The following DPY19L1 variants were observed in gnomAD, a reference collection of about 807,000 sequenced individuals.
The protein encoded by DPY19L1 is dpy-19 like C-mannosyltransferase 1, also known as protein C-mannosyl-transferase DPY19L1.
A neutral mutation model predicts 96.9 loss-of-function variants in DPY19L1; 35 were observed. The ratio of observed to expected loss-of-function variants is 0.36; its 90% CI spans 0.28 to 0.48. DPY19L1 has a LOEUF of 0.48. Ranked by LOEUF, DPY19L1 falls within the 20% of genes least tolerant of loss-of-function variation. The pLI is 0.99. For missense variants in DPY19L1, 521 were observed against 777.9 expected, an observed-to-expected ratio of 0.67 and a Z score of 3.93; for synonymous variants, 205 against 252.6, an observed-to-expected ratio of 0.81 and a Z score of 1.79.
intron 7 of DPY19L1, among the ~76,000 whole-genome samples, chr7:34,974,541 A>T (rs948752958): frequency 6.6e-6 from 1 of 152,192 alleles, no homozygotes; most frequent in Non-Finnish European, 1.5e-5. Flanking sequence ...ACTGACATAC[A>T]TATCTATTTA....
chr7:34,954,807 G>T lies in DPY19L1; in HGVS notation c.1240-29C>A, dbSNP rs914260721. ...AACAAAAGAAAACAAAAATAACTTT[G>T]ATGCTTCATATTCCACAGACATAGG... On this transcript the variant is annotated intron_variant, in intron 12 of 21. Transcript: ENST00000638088. The T allele has an allele frequency of 7.2e-6, 9 of 1,252,038 alleles. No individual in the cohort carries two copies. In the South Asian group the frequency reaches 9.9e-5, roughly 14 times the overall value. The allele number at this position is 1,252,038 out of a possible 1,614,324, so 77.6% of individuals were successfully genotyped here. A position where few individuals can be genotyped will look rare whatever the true frequency, so the allele number is the denominator to read the frequency against.
chr7:34,930,672 G>A lies in DPY19L1; in HGVS notation c.*901C>T, dbSNP rs1195868777. The A allele has an allele frequency of 6.6e-6, 1 of 152,034 alleles. No individual in the cohort carries two copies. Among genetic ancestry groups the A allele is most frequent in the Non-Finnish European group, 1.5e-5 (1 of 68,018 alleles). The allele number at this position is 152,034 out of a possible 1,614,324, so 9.4% of individuals were successfully genotyped here. A position where few individuals can be genotyped will look rare whatever the true frequency, so the allele number is the denominator to read the frequency against. On this transcript the variant is annotated 3_prime_UTR_variant, in exon 22 of 22. Coordinates refer to ENST00000638088, the MANE Select transcript of DPY19L1 (RefSeq NM_001366673.1). Reference sequence around the variant, plus strand: ...AGTTTCTAGATGCACTATATTTGGGGTTGTTCAAAATAGTTTTTCTTAAAA... The same window carrying A: ...AGTTTCTAGATGCACTATATTTGGGATTGTTCAAAATAGTTTTTCTTAAAA...
Position 34,998,636 on chromosome 7 carries a change from A to G in DPY19L1, c.765-8695T>C, listed in dbSNP as rs1457013864. Among the ~76,000 whole-genome samples the G allele has an allele frequency of 2.0e-5, 3 of 152,344 alleles. No homozygotes were observed. The East Asian group carries it at 5.8e-4, about 29-fold the overall frequency. ...AGCAGCTGAGGCTGGTAAACGAAAA[A>G]GCAACAAGATGAAAGGAGCCTGGGT... is the stretch of plus-strand genomic sequence containing the variant. On this transcript the variant is annotated intron_variant, in intron 6 of 21. Coordinates refer to ENST00000638088, the MANE Select transcript of DPY19L1 (RefSeq NM_001366673.1).
chr7:34,992,311 C>A (rs185772298), intron 6 of DPY19L1, among the ~76,000 whole-genome samples: 2 of 152,182 alleles, frequency 1.3e-5, no homozygotes, highest in Admixed American at 6.5e-5. Context: ...TTTGACTGTT[C>A]CCTACTTAAA....
chr7:35,020,137 G>GA (rs1314332237), intron 1 of DPY19L1, among the ~76,000 whole-genome samples: 1 of 151,700 alleles, frequency 6.6e-6, no homozygotes, highest in Admixed American at 6.6e-5. Flanking sequence ...TGTCTCTAAA[G>GA]AAAAAAAATA....
chr7:34,949,878 T>C lies in DPY19L1; in HGVS notation c.1341A>G (p.Leu447=), dbSNP rs758131531. Residue 447 remains leucine (L), a synonymous_variant, in exon 14 of 22, where the codon CTA becomes CTG. Transcript: ENST00000638088. ...CCTTATAACTAAAGAATTTTGATGT[T>C]AGTAAGTTGCCAATATGAGCCTGGT... The part of the protein sequence containing the change: ...IADDAHIGNL[L]TSKFFSYKDF... 6.3e-7 allele frequency: 1 copy of C among 1,593,032 alleles called. No homozygotes were observed. The highest frequency in any genetic ancestry group is 1.1e-5 in the South Asian group (1 of 87,598).
intron 16 of DPY19L1, among the ~76,000 whole-genome samples, chr7:34,944,807 C>A (rs1417127519): frequency 1.3e-5 from 2 of 152,162 alleles, no homozygotes; most frequent in Non-Finnish European, 2.9e-5. Context: ...ACTGGTGGAA[C>A]CTGCAGGGCT....
intron 6 of DPY19L1, among the ~76,000 whole-genome samples, chr7:34,993,423 A>T (rs1785214524): frequency 7.5e-6 from 1 of 133,418 alleles, no homozygotes; most frequent in Non-Finnish European, 1.6e-5. Context: ...TATTTCATTC[A>T]ACTGACTTAA....
At chr7:34,997,031 T>C (rs944349522) in intron 6 of DPY19L1, among the ~76,000 whole-genome samples, 1 of 152,038 alleles carries the variant, frequency 6.6e-6, no homozygotes, top group African/African-American at 2.4e-5. Context: ...TTGTGACTCC[T>C]TGGATTACAG....
chr7:34,935,357 T>C lies in DPY19L1; in HGVS notation c.2090+2637A>G, dbSNP rs530352012. Among the ~76,000 whole-genome samples, 5 of 152,164 alleles carry C rather than the reference T, an allele frequency of 3.3e-5. No individual in the cohort carries two copies. In the East Asian group the frequency reaches 9.6e-4, roughly 29 times the overall value. On this transcript the variant is annotated intron_variant, in intron 21 of 21. Transcript: ENST00000638088. ...CATCTGCAAATAGCATTAGTGAAAA[T>C]CTGAATAATTTCCTTCTAAATACAT...
At chr7:34,944,693 A>G (rs1030675347) in intron 16 of DPY19L1, among the ~76,000 whole-genome samples, 52 of 152,178 alleles carry the variant, frequency 3.4e-4, no homozygotes, top group African/African-American at 1.2e-3. Flanking sequence ...ATCATAGTAG[A>G]TATTTTGGAT....
chr7:35,024,247 A>G (rs999502245), intron 1 of DPY19L1, among the ~76,000 whole-genome samples: 1 of 152,328 alleles, frequency 6.6e-6, no homozygotes, highest in African/African-American at 2.4e-5. Flanking sequence ...AAAGCACGCT[A>G]AAGACTTTTG....
intron 6 of DPY19L1, among the ~76,000 whole-genome samples, chr7:35,007,946 C>T (rs1243087411): frequency 6.6e-6 from 1 of 152,038 alleles, no homozygotes; most frequent in Non-Finnish European, 1.5e-5. Flanking sequence ...TTACCAAGGC[C>T]TTTCATCATC....
intron 6 of DPY19L1, among the ~76,000 whole-genome samples, chr7:34,995,385 AT>A (rs1215030449): frequency 6.6e-6 from 1 of 152,088 alleles, no homozygotes; most frequent in Non-Finnish European, 1.5e-5. Context: ...TACTGTGCAA[AT>A]TTTAAAACAT....
Position 34,930,416 on chromosome 7 carries a change from T to C in DPY19L1, c.*1157A>G, listed in dbSNP as rs1395104803. 6.6e-6 allele frequency: 1 copy of C among 152,206 alleles called. No individual in the cohort carries two copies. The highest frequency in any genetic ancestry group is 1.9e-4 in the East Asian group (1 of 5,198). 9.4% of individuals were successfully genotyped at this position (152,206 alleles called of 1,614,324 possible). ...GAGGACGAAATATACTTATTCCTTATACTGAAATGATGGTTTTTAGAACCA... is the reference window on the plus strand; with the variant it reads ...GAGGACGAAATATACTTATTCCTTACACTGAAATGATGGTTTTTAGAACCA... On this transcript the variant is annotated 3_prime_UTR_variant, in exon 22 of 22. Coordinates refer to ENST00000638088, the MANE Select transcript of DPY19L1 (RefSeq NM_001366673.1).
chr7:34,974,243 A>G (rs1412724009), intron 7 of DPY19L1, among the ~76,000 whole-genome samples: 4 of 152,178 alleles, frequency 2.6e-5, no homozygotes, highest in African/African-American at 9.7e-5. Flanking sequence ...ATGTCATTTT[A>G]CTGTATATAG....
intron 1 of DPY19L1, among the ~76,000 whole-genome samples, chr7:35,032,678 C>G (rs1473589097): frequency 3.3e-5 from 5 of 152,044 alleles, no homozygotes; most frequent in African/African-American, 1.2e-4. Flanking sequence ...AGTAACATGT[C>G]CAAGACGAAA....
rs762573877 is a variant in DPY19L1 at position 34,969,569 on chromosome 7, A to C, written c.915-37T>G. 1.1e-5 allele frequency: 13 copies of C among 1,158,270 alleles called. No individual in the cohort carries two copies. In the African/African-American group the frequency reaches 1.7e-4, roughly 16 times the overall value. 71.7% of individuals were successfully genotyped at this position (1,158,270 alleles called of 1,614,324 possible). ...AAAATAAGTGTTAGTAAGTTTAAAC[A>C]CGAAATAGTCTAGCATGGCTCCAAA... is the stretch of plus-strand genomic sequence containing the variant. On this transcript the variant is annotated intron_variant, in intron 8 of 21. Transcript: ENST00000638088.
At chr7:34,976,629 A>C (rs183802564) in intron 7 of DPY19L1, among the ~76,000 whole-genome samples, 19 of 152,336 alleles carry the variant, frequency 1.2e-4, no homozygotes, top group Non-Finnish European at 2.2e-4. Flanking sequence ...TCTGTGAAAG[A>C]AAGAATCAAT....
Sources: allele counts gnomAD v4.1 joint callset (sites outside exome capture counted in the v4.1 genomes callset), GRCh38; gene constraint gnomAD v4.1.1; transcripts MANE v1.5; gene names NCBI Gene and HGNC (gene_info 2026-07-23, HGNC 2026-07-21).